The following TOGARAM2 variants were observed in gnomAD, a reference collection of about 807,000 sequenced individuals.
The protein encoded by TOGARAM2 is TOG array regulator of axonemal microtubules 2.
TOGARAM2 carries 85 observed loss-of-function variants against 93.3 expected under a neutral mutation model. The ratio of observed to expected loss-of-function variants is 0.91; its 90% CI spans 0.76 to 1.09. The LOEUF is 1.09. TOGARAM2 is among the 50% of genes least tolerant of loss of function. The probability of loss-of-function intolerance (pLI) is 0.00; values close to 1 mark genes in which losing one functional copy is unlikely to be tolerated. For missense variants in TOGARAM2, 1,277 were observed against 1,334.5 expected (o/e 0.96, Z 0.67); for synonymous variants, 593 against 552.8 (o/e 1.07, Z -1.02).
In TOGARAM2 at chr2:29,003,683, G is replaced by A. The variant is rs749125080; in HGVS notation, c.830+1G>A. 4 of 1,519,720 alleles carry A rather than the reference G, an allele frequency of 2.6e-6. No individual in the cohort carries two copies. Among genetic ancestry groups the A allele is most frequent in the African/African-American group, 2.9e-5 (2 of 70,108 alleles). The allele number at this position is 1,519,720 out of a possible 1,614,324, so 94.1% of individuals were successfully genotyped here. The stretch of plus-strand genomic sequence containing the variant: ...CAGGCCTGAGGGCCCCACGCACGCG[G>A]TAAGAGCTCCAAGTCAAACCTTCCT... On this transcript the variant is annotated splice_donor_variant, in intron 6 of 19. Coordinates refer to ENST00000379558, the MANE Select transcript of TOGARAM2 (RefSeq NM_199280.4). LOFTEE classifies it high-confidence loss of function.
intron 6 of TOGARAM2, among the ~76,000 whole-genome samples, chr2:29,010,330 T>C (rs1448031569): frequency 2.0e-5 from 3 of 152,114 alleles, no homozygotes; most frequent in African/African-American, 7.2e-5. Flanking sequence ...AGGGGTGCCC[T>C]GGAGCATTCG....
At chr2:28,959,386 G>T (rs1407637072) in intron 1 of TOGARAM2, among the ~76,000 whole-genome samples, 3 of 152,124 alleles carry the variant, frequency 2.0e-5, no homozygotes, top group Non-Finnish European at 4.4e-5. Flanking sequence ...ATGATAGTGG[G>T]GAAGAGGGAG....
chr2:28,970,420 A>AT (rs1293733128), intron 1 of TOGARAM2, among the ~76,000 whole-genome samples: 3 of 152,148 alleles, frequency 2.0e-5, no homozygotes, highest in Non-Finnish European at 4.4e-5. Context: ...TTGAAGATAA[A>AT]TGATCTAATA....
intron 19 of TOGARAM2, chr2:29,049,930 C>A (rs950804602): frequency 1.3e-5 from 2 of 152,122 alleles, no homozygotes; most frequent in Non-Finnish European, 1.5e-5. Context: ...CAGAGGGTGG[C>A]CCAGGGCATC....
chr2:29,024,343 T>C lies in TOGARAM2; in HGVS notation c.1822T>C (p.Ser608Pro). ...AMVENVTLAR[S>P]LVVLTSAGVY... ...GGTGGAGAATGTGACCCTTGCCCGCTCCCTGGTGGTCCTCACCTCGGCGGG... is the reference window on the plus strand; with the variant it reads ...GGTGGAGAATGTGACCCTTGCCCGCCCCCTGGTGGTCCTCACCTCGGCGGG... Residue 608 changes from serine (S) to proline (P), a missense_variant, in exon 13 of 20, where the codon TCC becomes CCC. Transcript: ENST00000379558. 1 of 1,610,798 alleles carries C rather than the reference T, an allele frequency of 6.2e-7. No individual in the cohort carries two copies. The highest frequency in any genetic ancestry group is 8.5e-7 in the Non-Finnish European group (1 of 1,178,744).
intron 1 of TOGARAM2, among the ~76,000 whole-genome samples, chr2:28,982,826 C>T (rs527927600): frequency 4.6e-5 from 7 of 152,282 alleles, no homozygotes; most frequent in African/African-American, 1.7e-4. Context: ...AGCCACCTCC[C>T]AGGCCAAGAA....
Position 29,014,249 on chromosome 2 carries a change from G to A in TOGARAM2, c.878-146G>A, listed in dbSNP as rs1252107185. 1.9e-5 allele frequency: 18 copies of A among 941,182 alleles called. No individual in the cohort carries two copies. The Admixed American group carries it at 4.5e-4, about 23-fold the overall frequency. The allele number at this position is 941,182 out of a possible 1,614,324, so 58.3% of individuals were successfully genotyped here. On this transcript the variant is annotated intron_variant, in intron 7 of 19. Coordinates refer to ENST00000379558, the MANE Select transcript of TOGARAM2 (RefSeq NM_199280.4). ...GTCTCATGCCTGCCAGTGCTGCCCT[G>A]TACAGTAAACCTAACTCAGGTCTTG...
At position 29,033,470 on chromosome 2, in the gene TOGARAM2, G is replaced by T. The variant is rs1435296351; in HGVS notation, c.2132G>T (p.Gly711Val). 5.6e-6 allele frequency: 9 copies of T among 1,612,214 alleles called. No individual in the cohort carries two copies. The East Asian group carries it at 1.3e-4, about 24-fold the overall frequency. Residue 711 changes from glycine to valine, a missense_variant and splice_region_variant, in exon 16 of 20, where the codon GGA becomes GTA. Coordinates refer to ENST00000379558, the MANE Select transcript of TOGARAM2 (RefSeq NM_199280.4). ...QKVMAAIKQQ[G>V]IEDNDELPSA... Reference sequence around the variant, plus strand: ...ATGCTCTGTGTGTATTTTTTCAAGGGAATAGAAGATAATGATGAACTTCCC... The same window carrying T: ...ATGCTCTGTGTGTATTTTTTCAAGGTAATAGAAGATAATGATGAACTTCCC...
At chr2:29,042,201 C>T (rs985083342) in intron 18 of TOGARAM2, among the ~76,000 whole-genome samples, 15 of 152,238 alleles carry the variant, frequency 9.9e-5, no homozygotes, top group African/African-American at 2.4e-4. Context: ...AAGTGGCCAG[C>T]GGAAAGACAG....
chr2:29,004,623 G>T (rs61399799), intron 6 of TOGARAM2, among the ~76,000 whole-genome samples: 111,795 of 151,738 alleles, frequency 0.74, 42,667 homozygotes, highest in Non-Finnish European at 0.85. Flanking sequence ...AGTGCCTGCA[G>T]GTATGTGTGA....
At position 29,004,982 on chromosome 2, in the gene TOGARAM2, ATG is replaced by A. The variant is rs1250549655; in HGVS notation, c.830+1307_830+1308del. On this transcript the variant is annotated intron_variant, in intron 6 of 19. Coordinates refer to ENST00000379558, the MANE Select transcript of TOGARAM2 (RefSeq NM_199280.4). The stretch of plus-strand genomic sequence containing the variant: ...TGTATGTGTGTGAGTGCATGTGTGT[ATG>A]TGTGTGAGTGCATGTGTGTGCATGT... 1.2e-4 allele frequency among the ~76,000 whole-genome samples: 13 copies of A among 105,088 alleles called. 1 individual carries two copies. The East Asian group carries it at 2.0e-3, about 16-fold the overall frequency. 68.9% of individuals were successfully genotyped at this position (105,088 alleles called of 152,430 possible). A position where few individuals can be genotyped will look rare whatever the true frequency, so the allele number is the denominator to read the frequency against.
At chr2:29,007,484 GA>G (rs1663953826) in intron 6 of TOGARAM2, among the ~76,000 whole-genome samples, 3 of 152,116 alleles carry the variant, frequency 2.0e-5, no homozygotes, top group Admixed American at 2.0e-4. Context: ...TAACAGCCAT[GA>G]AAGCTCCACC....
intron 4 of TOGARAM2, among the ~76,000 whole-genome samples, chr2:29,001,187 C>G (rs1673275792): frequency 1.3e-5 from 2 of 152,158 alleles, no homozygotes; most frequent in Admixed American, 1.3e-4. Context: ...ACAGTCTCCA[C>G]TTGACCACAC....
intron 14 of TOGARAM2, among the ~76,000 whole-genome samples, chr2:29,032,322 C>T (rs942036379): frequency 1.3e-5 from 2 of 152,158 alleles, no homozygotes; most frequent in South Asian, 2.1e-4. Context: ...ACCTAAATAA[C>T]CCTGTTCCTC....
chr2:28,972,147 G>T (rs554232027), intron 1 of TOGARAM2, among the ~76,000 whole-genome samples: 25 of 152,232 alleles, frequency 1.6e-4, no homozygotes, highest in African/African-American at 5.5e-4. Flanking sequence ...GGAGTGCAGT[G>T]GTGTGATCTC....
At chr2:29,015,541 AC>A (rs1435439513) in intron 8 of TOGARAM2, among the ~76,000 whole-genome samples, 4 of 152,246 alleles carry the variant, frequency 2.6e-5, no homozygotes, top group Admixed American at 6.5e-5. Flanking sequence ...AGAAAGCGGA[AC>A]AAAACCAAGA....
chr2:28,983,367 C>T (rs553824482), intron 1 of TOGARAM2, among the ~76,000 whole-genome samples: 6 of 149,500 alleles, frequency 4.0e-5, no homozygotes, highest in South Asian at 4.3e-4. Context: ...TCTAAACACT[C>T]GATGTAATTT....
rs114903943 is a variant in TOGARAM2 at position 28,999,115 on chromosome 2, C to A, written c.140-66C>A. The stretch of plus-strand genomic sequence containing the variant: ...GTTAGAAGGAAGCAATGTCAAGGAG[C>A]TTGCTGGTGCCTGGTGCCACCCTGG... On this transcript the variant is annotated intron_variant, in intron 3 of 19. Transcript: ENST00000379558. The A allele has an allele frequency of 9.1e-4, 1,353 of 1,494,312 alleles. 13 individuals carry two copies. The African/African-American group carries it at 0.017, about 19-fold the overall frequency. 92.6% of individuals were successfully genotyped at this position (1,494,312 alleles called of 1,614,324 possible). A position where few individuals can be genotyped will look rare whatever the true frequency, so the allele number is the denominator to read the frequency against.
At chr2:29,004,829 A>G (rs1426127917) in intron 6 of TOGARAM2, among the ~76,000 whole-genome samples, 1 of 149,502 alleles carries the variant, frequency 6.7e-6, no homozygotes, top group Non-Finnish European at 1.5e-5. Context: ...ATGTGTGTGC[A>G]TGTATGTGTA....
Sources: allele counts gnomAD v4.1 joint callset (sites outside exome capture counted in the v4.1 genomes callset), GRCh38; gene constraint gnomAD v4.1.1; transcripts MANE v1.5; gene names NCBI Gene and HGNC (gene_info 2026-07-23, HGNC 2026-07-21).